NWD2: variants seen among roughly 807,000 people sequenced by gnomAD.
NWD2 encodes the protein NACHT and WD repeat domain containing 2.
A neutral mutation model predicts 132.7 loss-of-function variants in NWD2; 37 were observed. That is an observed-to-expected ratio of 0.28 (90% CI 0.21 to 0.37). NWD2 has a LOEUF of 0.37. NWD2 is among the 10% of genes least tolerant of loss of function. The pLI is 1.00. For synonymous variants in NWD2, 705 were observed against 803.0 expected (o/e 0.88, Z 2.06); for missense variants, 1,592 against 2,122.4 (o/e 0.75, Z 4.91).
intron 3 of NWD2, among the ~76,000 whole-genome samples, chr4:37,418,855 A>G (rs946679464): frequency 6.6e-6 from 1 of 152,002 alleles, no homozygotes; most frequent in Non-Finnish European, 1.5e-5. Flanking sequence ...AATGATCACC[A>G]TGATCACCAT....
intron 3 of NWD2, among the ~76,000 whole-genome samples, chr4:37,359,328 G>A (rs779207049): frequency 6.6e-6 from 1 of 151,886 alleles, no homozygotes; most frequent in Non-Finnish European, 1.5e-5. Context: ...ATAGAGCTAG[G>A]ATTATTCACC....
intron 3 of NWD2, among the ~76,000 whole-genome samples, chr4:37,429,970 A>C (rs1401687535): frequency 8.6e-6 from 1 of 116,592 alleles, no homozygotes; most frequent in East Asian, 2.3e-4. Flanking sequence ...ACACCTTGAC[A>C]TAAAGGCTGA....
At chr4:37,290,420 G>A (rs111492241) in intron 1 of NWD2, among the ~76,000 whole-genome samples, 18 of 152,030 alleles carry the variant, frequency 1.2e-4, no homozygotes, top group African/African-American at 4.3e-4. Context: ...TCAGTGTAGA[G>A]GTGAGGGCAA....
At chr4:37,250,878 C>T (rs928695195) in intron 1 of NWD2, among the ~76,000 whole-genome samples, 2 of 152,232 alleles carry the variant, frequency 1.3e-5, no homozygotes, top group Non-Finnish European at 2.9e-5. Flanking sequence ...GCCTACTGCT[C>T]CTAGTCTACA....
intron 2 of NWD2, among the ~76,000 whole-genome samples, chr4:37,327,020 T>A (rs755955189): frequency 6.6e-6 from 1 of 152,154 alleles, no homozygotes; most frequent in Non-Finnish European, 1.5e-5. Context: ...AAGTCACCAT[T>A]TACTTGACAA....
chr4:37,420,818 G>A (rs1711787575), intron 3 of NWD2, among the ~76,000 whole-genome samples: 1 of 152,110 alleles, frequency 6.6e-6, no homozygotes, highest in Non-Finnish European at 1.5e-5. Flanking sequence ...GTTCAAACTA[G>A]GACAGTCCTG....
chr4:37,312,218 G>A (rs963115464), intron 1 of NWD2, among the ~76,000 whole-genome samples: 5 of 151,492 alleles, frequency 3.3e-5, no homozygotes, highest in African/African-American at 1.2e-4. Flanking sequence ...ATTACCTTGG[G>A]CAGTATGGCC....
chr4:37,386,710 C>T (rs1720571007), intron 3 of NWD2, among the ~76,000 whole-genome samples: 1 of 152,174 alleles, frequency 6.6e-6, no homozygotes. Flanking sequence ...CCCTCCAAAT[C>T]TCATGGTGAA....
At chr4:37,277,672 A>T (rs1476977298) in intron 1 of NWD2, among the ~76,000 whole-genome samples, 2 of 152,112 alleles carry the variant, frequency 1.3e-5, no homozygotes, top group African/African-American at 4.8e-5. Flanking sequence ...TTTTTACATT[A>T]ATAACAACTT....
intron 2 of NWD2, among the ~76,000 whole-genome samples, chr4:37,328,770 G>A (rs1719227854): frequency 1.3e-5 from 2 of 152,090 alleles, no homozygotes; most frequent in African/African-American, 4.8e-5. Context: ...CTCTAGAGAT[G>A]CTGTTCTTGT....
intron 1 of NWD2, among the ~76,000 whole-genome samples, chr4:37,249,744 G>T (rs934327933): frequency 1.3e-5 from 2 of 152,160 alleles, no homozygotes; most frequent in African/African-American, 4.8e-5. Context: ...TTTCTGTGCT[G>T]GTCATTATTG....
At chr4:37,393,334 T>C (rs1252688156) in intron 3 of NWD2, among the ~76,000 whole-genome samples, 1 of 152,240 alleles carries the variant, frequency 6.6e-6, no homozygotes, top group African/African-American at 2.4e-5. Context: ...ACAGAAATGA[T>C]TGACCCTTAA....
chr4:37,411,250 G>T (rs1050127137), intron 3 of NWD2, among the ~76,000 whole-genome samples: 6 of 152,102 alleles, frequency 3.9e-5, no homozygotes, highest in African/African-American at 1.4e-4. Context: ...GACTAATAAA[G>T]CAGGAAAGAG....
intron 3 of NWD2, among the ~76,000 whole-genome samples, chr4:37,381,227 A>G (rs1475938772): frequency 6.6e-6 from 1 of 152,196 alleles, no homozygotes; most frequent in East Asian, 1.9e-4. Context: ...TGAGGTAGAG[A>G]GGGCCGAGTC....
intron 3 of NWD2, among the ~76,000 whole-genome samples, chr4:37,429,428 C>T (rs986533964): frequency 6.6e-6 from 1 of 152,058 alleles, no homozygotes; most frequent in Non-Finnish European, 1.5e-5. Flanking sequence ...AATTCTTGTC[C>T]CTCAGCCTCC....
At chr4:37,256,483 AAG>A (rs1196183752) in intron 1 of NWD2, among the ~76,000 whole-genome samples, 9 of 152,202 alleles carry the variant, frequency 5.9e-5, no homozygotes, top group African/African-American at 1.9e-4. Flanking sequence ...TTGCTAAGCA[AAG>A]AGTAGCTTCA....
At chr4:37,351,630 C>T (rs536348205) in intron 2 of NWD2, among the ~76,000 whole-genome samples, 3 of 152,182 alleles carry the variant, frequency 2.0e-5, no homozygotes, top group South Asian at 4.2e-4. Context: ...AAAAACAGCT[C>T]CTGGATTCAT....
chr4:37,433,389 T>C (rs1336716614), intron 4 of NWD2, among the ~76,000 whole-genome samples: 1 of 152,194 alleles, frequency 6.6e-6, no homozygotes, highest in East Asian at 1.9e-4. Flanking sequence ...TAAATTATTA[T>C]TGAATAAATG....
intron 1 of NWD2, among the ~76,000 whole-genome samples, chr4:37,322,223 T>C (rs1719083140): frequency 6.6e-6 from 1 of 152,156 alleles, no homozygotes; most frequent in Admixed American, 6.6e-5. Context: ...CAACTCCCTT[T>C]GAGCTTAAAT....
Sources: allele counts gnomAD v4.1 joint callset (sites outside exome capture counted in the v4.1 genomes callset), GRCh38; gene constraint gnomAD v4.1.1; transcripts MANE v1.5; gene names NCBI Gene and HGNC (gene_info 2026-07-23, HGNC 2026-07-21).